The following KYNU variants were observed in gnomAD, a reference collection of about 807,000 sequenced individuals.
KYNU encodes the protein kynureninase.
KYNU carries 54 observed loss-of-function variants against 59.2 expected under a neutral mutation model. That is an observed-to-expected ratio of 0.91 (90% CI 0.73 to 1.14). The LOEUF (loss-of-function observed/expected upper bound fraction) is 1.14, where lower values mean the gene tolerates loss of function less well. Ranked by LOEUF, KYNU falls within the 50% of genes most tolerant of loss-of-function variation. The pLI is 0.00. For missense variants in KYNU, 567 were observed against 554.4 expected (o/e 1.02, Z -0.23); for synonymous variants, 177 against 192.0 (o/e 0.92, Z 0.65).
chr2:142,987,646 G>A (rs1330408789), intron 10 of KYNU, among the ~76,000 whole-genome samples: 2 of 151,902 alleles, frequency 1.3e-5, no homozygotes, highest in Non-Finnish European at 2.9e-5. Context: ...TCTCTGAGCT[G>A]AGGTAGTACC....
chr2:142,969,210 T>C (rs1248727933), intron 8 of KYNU, among the ~76,000 whole-genome samples: 1 of 152,170 alleles, frequency 6.6e-6, no homozygotes, highest in Admixed American at 6.5e-5. Context: ...GTAAATATTT[T>C]TGGGTATGCT....
intron 4 of KYNU, among the ~76,000 whole-genome samples, chr2:142,933,521 C>G (rs1449432806): frequency 6.6e-6 from 1 of 152,104 alleles, no homozygotes; most frequent in Non-Finnish European, 1.5e-5. Flanking sequence ...GCTTAGTTTG[C>G]AGAGGCAGGA....
At chr2:142,930,623 T>C (rs905399483) in intron 4 of KYNU, among the ~76,000 whole-genome samples, 3 of 152,164 alleles carry the variant, frequency 2.0e-5, no homozygotes, top group Admixed American at 6.5e-5. Flanking sequence ...TTCTTTTGTG[T>C]ACTGGAGGAA....
At chr2:142,885,875 G>A (rs756849821) in intron 2 of KYNU, among the ~76,000 whole-genome samples, 15 of 152,222 alleles carry the variant, frequency 9.9e-5, no homozygotes, top group Non-Finnish European at 1.0e-4. Context: ...TTAGAATGCA[G>A]TGTTAGAATA....
chr2:142,927,563 C>T (rs1683083439), intron 3 of KYNU, 96 bp from the exon 4 acceptor site: 1 of 896,722 alleles, frequency 1.1e-6, no homozygotes, highest in Non-Finnish European at 1.9e-6. Context: ...TAGAAAGGTC[C>T]ACATAGAAAT....
chr2:142,904,100 G>A (rs989638384), intron 2 of KYNU, among the ~76,000 whole-genome samples: 3 of 152,194 alleles, frequency 2.0e-5, no homozygotes, highest in Admixed American at 1.3e-4. Context: ...TCTAATGTCT[G>A]CAGCTGACTG....
chr2:142,901,289 T>A (rs1376527052), intron 2 of KYNU, among the ~76,000 whole-genome samples: 1 of 152,162 alleles, frequency 6.6e-6, no homozygotes, highest in Non-Finnish European at 1.5e-5. Context: ...TTTTTCCTTT[T>A]TCGGTGGCTA....
intron 12 of KYNU, among the ~76,000 whole-genome samples, chr2:143,039,273 T>C (rs1204739336): frequency 6.6e-6 from 1 of 152,102 alleles, no homozygotes; most frequent in African/African-American, 2.4e-5. Context: ...ATTGTTAAAC[T>C]GGAAGAGATT....
intron 10 of KYNU, among the ~76,000 whole-genome samples, chr2:142,993,385 G>A (rs1268231383): frequency 1.3e-5 from 2 of 151,786 alleles, no homozygotes; most frequent in Admixed American, 6.6e-5. Context: ...TATAAACAGT[G>A]GTAAAATCGT....
intron 2 of KYNU, among the ~76,000 whole-genome samples, chr2:142,913,670 G>C (rs1168465424): frequency 6.6e-6 from 1 of 152,176 alleles, no homozygotes; most frequent in Admixed American, 6.5e-5. Flanking sequence ...TATAATCTGT[G>C]GTTGATGGGT....
intron 4 of KYNU, among the ~76,000 whole-genome samples, chr2:142,939,602 C>CAAAAAAAAAAAA (rs71301737): frequency 1.9e-3 from 123 of 65,070 alleles, no homozygotes; most frequent in South Asian, 4.8e-3. Context: ...CTCCATCTCA[C>CAAAAAAAAAAAA]AAAAAAAAAA....
At chr2:143,040,021 T>A (rs1197211857) in intron 12 of KYNU, among the ~76,000 whole-genome samples, 1 of 152,134 alleles carries the variant, frequency 6.6e-6, no homozygotes, top group Non-Finnish European at 1.5e-5. Flanking sequence ...GGCAAAACTC[T>A]TGATAGGCTT....
chr2:142,906,344 T>C (rs1371157147), intron 2 of KYNU, among the ~76,000 whole-genome samples: 1 of 152,078 alleles, frequency 6.6e-6, no homozygotes, highest in African/African-American at 2.4e-5. Context: ...GATTGCATTG[T>C]GGGGTGGTGG....
chr2:142,881,896 T>C (rs1336149145), intron 1 of KYNU, among the ~76,000 whole-genome samples: 1 of 149,298 alleles, frequency 6.7e-6, no homozygotes, highest in African/African-American at 2.5e-5. Context: ...CCAGCACACC[T>C]GGCTTTTCTT....
At chr2:143,038,606 A>G (rs775767884) in intron 12 of KYNU, among the ~76,000 whole-genome samples, 17 of 152,130 alleles carry the variant, frequency 1.1e-4, no homozygotes, top group Non-Finnish European at 1.9e-4. Flanking sequence ...TGTAGACTTC[A>G]GACATTGTCT....
At chr2:142,883,186 C>CTTTTTTTT (rs70997528) in intron 1 of KYNU, among the ~76,000 whole-genome samples, 5 of 72,034 alleles carry the variant, frequency 6.9e-5, no homozygotes, top group Non-Finnish European at 9.8e-5. Flanking sequence ...TCCCAAATTT[C>CTTTTTTTT]TTTTTTTTTT....
At chr2:143,004,338 G>C (rs940558222) in intron 10 of KYNU, among the ~76,000 whole-genome samples, 4 of 152,196 alleles carry the variant, frequency 2.6e-5, no homozygotes, top group African/African-American at 7.2e-5. Context: ...TGAGATTCAA[G>C]TCTCAGGTCC....
intron 5 of KYNU, among the ~76,000 whole-genome samples, chr2:142,955,233 T>G (rs1684123241): frequency 6.6e-6 from 1 of 152,078 alleles, no homozygotes; most frequent in African/African-American, 2.4e-5. Flanking sequence ...CAGAGTGAGT[T>G]AGTGGATCAG....
intron 10 of KYNU, among the ~76,000 whole-genome samples, chr2:143,014,183 G>A (rs1686189683): frequency 6.6e-6 from 1 of 152,172 alleles, no homozygotes. Flanking sequence ...CTGCCCCTTA[G>A]GGCTGAGGGA....
Sources: gnomAD v4.1 joint callset for allele counts (sites outside exome capture counted in the v4.1 genomes callset) on GRCh38, gnomAD v4.1.1 for gene constraint, MANE v1.5 for transcripts, NCBI Gene and HGNC (gene_info 2026-07-23, HGNC 2026-07-21) for gene names.